Variants in TMED8 observed in about 807,000 individuals in gnomAD.
TMED8 encodes the protein transmembrane p24 trafficking protein family member 8.
A neutral mutation model predicts 32.7 loss-of-function variants in TMED8; 15 were observed. The observed-to-expected ratio is 0.46, with a 90% CI of 0.31 to 0.71. The LOEUF is 0.71. TMED8 is among the 30% of genes least tolerant of loss of function. TMED8 has a pLI of 0.06. For synonymous variants in TMED8, 147 were observed against 161.4 expected, an observed-to-expected ratio of 0.91 and a Z score of 0.68; for missense variants, 390 against 423.9, an observed-to-expected ratio of 0.92 and a Z score of 0.70.
chr14:77,369,384 C>A (rs754309966), intron 1 of TMED8, among the ~76,000 whole-genome samples: 1 of 152,126 alleles, frequency 6.6e-6, no homozygotes, highest in Non-Finnish European at 1.5e-5. Context: ...TCAAAGCCAC[C>A]CAAAAATCCC....
rs199603001 is a variant in TMED8, at chr14:77,352,603, G to A, written c.119-852C>T. Among the ~76,000 whole-genome samples, 27 of 150,420 alleles carry A rather than the reference G, an allele frequency of 1.8e-4. No individual in the cohort carries two copies. In the East Asian group the frequency reaches 5.4e-3, roughly 30 times the overall value. ...AAAATATAAAAATTAGCCGGGCATG[G>A]TGGCACGCAGCTGTAATCCCAGCTA... On this transcript the variant is annotated intron_variant, in intron 1 of 5. Coordinates refer to ENST00000216468, the MANE Select transcript of TMED8 (RefSeq NM_213601.3).
chr14:77,361,882 A>G (rs1380796083), intron 1 of TMED8, among the ~76,000 whole-genome samples: 1 of 152,116 alleles, frequency 6.6e-6, no homozygotes, highest in African/African-American at 2.4e-5. Context: ...CTCGACCTCC[A>G]TGGCTCAAGC....
chr14:77,341,229 C>T lies in TMED8; in HGVS notation c.*542G>A, dbSNP rs2042824694. 1 of 156,572 alleles carries T rather than the reference C, an allele frequency of 6.4e-6. No homozygotes were observed. The highest frequency in any genetic ancestry group is 2.4e-5 in the African/African-American group (1 of 41,456). 9.7% of individuals were successfully genotyped at this position (156,572 alleles called of 1,614,324 possible). ...AGCCCTCCAAAGGCAGTGTGGTCTC[C>T]CAGCTATGCAGAGACCAAGAATAAC... On this transcript the variant is annotated 3_prime_UTR_variant, in exon 6 of 6. Coordinates refer to ENST00000216468, the MANE Select transcript of TMED8 (RefSeq NM_213601.3).
At position 77,367,073 on chromosome 14, in the gene TMED8, C is replaced by T. The variant is rs536105752; in HGVS notation, c.118+9863G>A. The stretch of plus-strand genomic sequence containing the variant: ...CAGCCTGGCCAACATGGTAAAACCC[C>T]GCCTCTACTAAAAATACAAAATTAG... On this transcript the variant is annotated intron_variant, in intron 1 of 5. Transcript: ENST00000216468. Among the ~76,000 whole-genome samples, 57 of 151,630 alleles carry T rather than the reference C, an allele frequency of 3.8e-4. 1 individual carries two copies. In the South Asian group the frequency reaches 0.011, roughly 30 times the overall value.
chr14:77,368,528 A>C (rs1017656961), intron 1 of TMED8, among the ~76,000 whole-genome samples: 3 of 151,988 alleles, frequency 2.0e-5, no homozygotes, highest in Non-Finnish European at 4.4e-5. Flanking sequence ...CCCAAGTTGG[A>C]GTGCAGTGGC....
intron 5 of TMED8, among the ~76,000 whole-genome samples, 156 bp downstream of exon 5, chr14:77,343,022 G>A (rs1880589562): frequency 6.6e-6 from 1 of 152,170 alleles, no homozygotes; most frequent in Non-Finnish European, 1.5e-5. Context: ...AACCCCACCA[G>A]AATGTTCTCT....
rs989889334 is a variant in TMED8 at position 77,337,034 on chromosome 14, A to G, written c.*4737T>C. 5.9e-5 allele frequency: 9 copies of G among 152,206 alleles called. No homozygotes were observed. Among genetic ancestry groups the G allele is most frequent in the Admixed American group, 3.3e-4 (5 of 15,280 alleles). The allele number at this position is 152,206 out of a possible 1,614,324, so 9.4% of individuals were successfully genotyped here. A position where few individuals can be genotyped will look rare whatever the true frequency, so the allele number is the denominator to read the frequency against. ...TTCACTCTTCCATATACATATTATA[A>G]TGGGACAATATACACTTTTTTAAAA... On this transcript the variant is annotated 3_prime_UTR_variant, in exon 6 of 6. Coordinates refer to ENST00000216468, the MANE Select transcript of TMED8 (RefSeq NM_213601.3).
At position 77,343,454 on chromosome 14, in the gene TMED8, T is replaced by C. The variant is rs765195427; in HGVS notation, c.484A>G (p.Ile162Val). 2.5e-6 allele frequency: 4 copies of C among 1,613,622 alleles called. No individual in the cohort carries two copies. In the South Asian group the frequency reaches 4.4e-5, roughly 18 times the overall value. Residue 162 changes from isoleucine (I) to valine (V), a missense_variant, in exon 5 of 6, where the codon ATC becomes GTC. By Grantham distance (29) the Ile-to-Val change is conservative. Coordinates refer to ENST00000216468, the MANE Select transcript of TMED8 (RefSeq NM_213601.3). ...TCCTTCACCTTGGCAAAGGTCCAGA[T>C]GCATGGAGGAGCCATCAGAGGTGGG... ...VSPPLMAPPC[I>V]WTFAKVKEFK...
Position 77,339,084 on chromosome 14 carries a change from G to A in TMED8, c.*2687C>T, listed in dbSNP as rs1185862915. ...TAAATTTGGACTGGGAGGGGCTGAGGAAATGACTGTCTCTTAGAATTTGCT... is the reference window on the plus strand; with the variant it reads ...TAAATTTGGACTGGGAGGGGCTGAGAAAATGACTGTCTCTTAGAATTTGCT... On this transcript the variant is annotated 3_prime_UTR_variant, in exon 6 of 6. Coordinates refer to ENST00000216468, the MANE Select transcript of TMED8 (RefSeq NM_213601.3). The A allele has an allele frequency of 2.0e-5, 3 of 152,184 alleles. No homozygotes were observed. Among genetic ancestry groups the A allele is most frequent in the Non-Finnish European group, 2.9e-5 (2 of 68,030 alleles). The allele number at this position is 152,184 out of a possible 1,614,324, so 9.4% of individuals were successfully genotyped here.
chr14:77,351,827 A>C, intron 1 of TMED8, 76 bp from the exon 2 acceptor site: 1 of 1,312,012 alleles, frequency 7.6e-7, no homozygotes, highest in Non-Finnish European at 1.0e-6. Context: ...CTTTAAAAAA[A>C]TCTAGCAATT....
chr14:77,367,300 G>A (rs183094578), intron 1 of TMED8, among the ~76,000 whole-genome samples: 72 of 129,012 alleles, frequency 5.6e-4, no homozygotes, highest in African/African-American at 1.9e-3. Flanking sequence ...GAAATATAAC[G>A]CAAATGTAGA....
At chr14:77,361,747 G>A (rs1285507581) in intron 1 of TMED8, among the ~76,000 whole-genome samples, 2 of 152,100 alleles carry the variant, frequency 1.3e-5, no homozygotes, top group East Asian at 3.8e-4. Flanking sequence ...TCTTTCATCA[G>A]TGTTTTATAG....
rs1892819455 is a variant in TMED8, at chr14:77,338,571, G to C, written c.*3200C>G. ...TCTTCAAGATGTCCTGCCTTTCCAG[G>C]CCAAACCAGTGTATACCTTACATGT... On this transcript the variant is annotated 3_prime_UTR_variant, in exon 6 of 6. Coordinates refer to ENST00000216468, the MANE Select transcript of TMED8 (RefSeq NM_213601.3). 1 of 152,156 alleles carries C rather than the reference G, an allele frequency of 6.6e-6. No homozygotes were observed. Among genetic ancestry groups the C allele is most frequent in the Non-Finnish European group, 1.5e-5 (1 of 68,032 alleles). 9.4% of individuals were successfully genotyped at this position (152,156 alleles called of 1,614,324 possible). A position where few individuals can be genotyped will look rare whatever the true frequency, so the allele number is the denominator to read the frequency against.
intron 1 of TMED8, among the ~76,000 whole-genome samples, chr14:77,368,035 A>C (rs1464783656): frequency 6.6e-6 from 1 of 152,152 alleles, no homozygotes; most frequent in Non-Finnish European, 1.5e-5. Flanking sequence ...CCATGAATCC[A>C]CCATGAGCTA....
intron 2 of TMED8, among the ~76,000 whole-genome samples, chr14:77,347,657 G>A (rs956084000): frequency 2.6e-5 from 4 of 152,112 alleles, no homozygotes; most frequent in East Asian, 1.9e-4. Flanking sequence ...TGCCTGCCTC[G>A]GCCTCCCAAA....
intron 1 of TMED8, among the ~76,000 whole-genome samples, chr14:77,364,798 C>A (rs543671495): frequency 5.8e-4 from 89 of 152,230 alleles, no homozygotes; most frequent in Non-Finnish European, 7.8e-4. Flanking sequence ...TACACATTGC[C>A]CAATTTCTCT....
intron 1 of TMED8, among the ~76,000 whole-genome samples, chr14:77,368,924 A>G (rs939031030): frequency 6.6e-6 from 1 of 152,164 alleles, no homozygotes; most frequent in Non-Finnish European, 1.5e-5. Context: ...AAATTTATCA[A>G]ATTTGCCTTC....
rs1188979277 is a variant in TMED8, at chr14:77,376,494, C to T, written c.118+442G>A. The stretch of plus-strand genomic sequence containing the variant: ...CAACCCGGGTGGGGGCCGAGAGGCG[C>T]GTGGTAAGGCTGGGGCAGGGGACTG... On this transcript the variant is annotated intron_variant, in intron 1 of 5. Coordinates refer to ENST00000216468, the MANE Select transcript of TMED8 (RefSeq NM_213601.3). The surrounding 1 kb of genome is among the most constrained non-coding windows in gnomAD (Gnocchi z 4.0). Among the ~76,000 whole-genome samples, 2 of 151,150 alleles carry T rather than the reference C, an allele frequency of 1.3e-5. No homozygotes were observed. The highest frequency in any genetic ancestry group is 2.9e-5 in the Non-Finnish European group (2 of 67,798).
In TMED8 at chr14:77,336,900, CAAAG is replaced by C. The variant is rs1892772069; in HGVS notation, c.*4867_*4870del. On this transcript the variant is annotated 3_prime_UTR_variant, in exon 6 of 6. Coordinates refer to ENST00000216468, the MANE Select transcript of TMED8 (RefSeq NM_213601.3). ...GAGTCTGGGTTTCAACTAATTCTCTCAAAGAGGGACTGAGCAGGACTCATAAACA... is the reference window on the plus strand; with the variant it reads ...GAGTCTGGGTTTCAACTAATTCTCTCAGGGACTGAGCAGGACTCATAAACA... The C allele has an allele frequency of 6.6e-6, 1 of 152,168 alleles. No individual in the cohort carries two copies. 9.4% of individuals were successfully genotyped at this position (152,168 alleles called of 1,614,324 possible). A position where few individuals can be genotyped will look rare whatever the true frequency, so the allele number is the denominator to read the frequency against.
Sources: allele counts gnomAD v4.1 joint callset (sites outside exome capture counted in the v4.1 genomes callset), GRCh38; gene constraint gnomAD v4.1.1; non-coding constraint Gnocchi (gnomAD v3.1); transcripts MANE v1.5; gene names NCBI Gene and HGNC (gene_info 2026-07-23, HGNC 2026-07-21).